Variants in OTUD7A observed in about 807,000 individuals in gnomAD.
OTUD7A encodes OTU deubiquitinase 7A.
In OTUD7A, 12 loss-of-function variants were observed where a neutral mutation model predicts 65.7. The observed-to-expected ratio is 0.18, with a 90% CI of 0.12 to 0.30. The LOEUF (loss-of-function observed/expected upper bound fraction) is 0.30, where lower values mean the gene tolerates loss of function less well. Ranked by LOEUF, OTUD7A falls within the 10% of genes least tolerant of loss-of-function variation. The pLI, the probability that OTUD7A is intolerant of heterozygous loss-of-function variation, is 1.00. For missense variants in OTUD7A, 1,148 were observed against 1,304.8 expected (o/e 0.88, Z 1.85); for synonymous variants, 641 against 586.3 (o/e 1.09, Z -1.35).
chr15:31,509,936 C>CT (rs2041655852), intron 8 of OTUD7A, among the ~76,000 whole-genome samples: 1 of 147,888 alleles, frequency 6.8e-6, no homozygotes, highest in Non-Finnish European at 1.5e-5. Context: ...CTTATTTGCA[C>CT]TTTATTTTCC....
chr15:31,711,355 G>A (rs1237898030), intron 1 of OTUD7A, among the ~76,000 whole-genome samples: 1 of 151,918 alleles, frequency 6.6e-6, no homozygotes, highest in Non-Finnish European at 1.5e-5. Flanking sequence ...TCTTTTCCCG[G>A]TTCTGTTCTG....
At chr15:31,567,318 G>T (rs1888906708) in intron 4 of OTUD7A, among the ~76,000 whole-genome samples, 1 of 152,250 alleles carries the variant, frequency 6.6e-6, no homozygotes, top group African/African-American at 2.4e-5. Flanking sequence ...ATCTGTGGAA[G>T]TCTGAACTTG....
intron 3 of OTUD7A, among the ~76,000 whole-genome samples, chr15:31,594,402 T>A (rs1005901470): frequency 4.6e-5 from 7 of 152,220 alleles, no homozygotes; most frequent in Non-Finnish European, 8.8e-5. Context: ...GAGCTTAATT[T>A]GTCACTTCTA....
At chr15:31,630,735 G>C (rs1227450716) in intron 3 of OTUD7A, among the ~76,000 whole-genome samples, 1 of 152,028 alleles carries the variant, frequency 6.6e-6, no homozygotes, top group African/African-American at 2.4e-5. Flanking sequence ...TCTCTTTGTA[G>C]GTCACTCAGG....
intron 1 of OTUD7A, among the ~76,000 whole-genome samples, chr15:31,715,612 T>C (rs1410136939): frequency 6.8e-6 from 1 of 146,252 alleles, no homozygotes; most frequent in Non-Finnish European, 1.5e-5. Context: ...CAGTCATATA[T>C]GCCATTCTGT....
At chr15:31,671,224 A>C (rs1311250882) in intron 1 of OTUD7A, among the ~76,000 whole-genome samples, 2 of 152,178 alleles carry the variant, frequency 1.3e-5, no homozygotes, top group African/African-American at 4.8e-5. Flanking sequence ...TTAAATCTTT[A>C]ATCCATCTTG....
intron 1 of OTUD7A, among the ~76,000 whole-genome samples, chr15:31,855,505 CAAATCGAAAAAA>C (rs1441570529): frequency 6.6e-6 from 1 of 151,028 alleles, no homozygotes; most frequent in Non-Finnish European, 1.5e-5. Flanking sequence ...AACCGAAAAA[CAAATCGAAAAAA>C]AAATCCTCAA....
At chr15:31,638,930 C>T (rs1305074071) in intron 3 of OTUD7A, among the ~76,000 whole-genome samples, 2 of 152,032 alleles carry the variant, frequency 1.3e-5, no homozygotes, top group African/African-American at 4.8e-5. Flanking sequence ...GTCAGGAGAT[C>T]GAGACCATCC....
At chr15:31,587,654 A>T (rs1440810315) in intron 3 of OTUD7A, among the ~76,000 whole-genome samples, 2 of 149,468 alleles carry the variant, frequency 1.3e-5, no homozygotes, top group African/African-American at 5.0e-5. Context: ...AAAAAAAAAA[A>T]GAAAATGTAA....
intron 1 of OTUD7A, among the ~76,000 whole-genome samples, chr15:31,804,376 C>T (rs530704398): frequency 6.6e-6 from 1 of 152,232 alleles, no homozygotes; most frequent in African/African-American, 2.4e-5. Flanking sequence ...CCCCCAACTC[C>T]CTGAATTAGA....
intron 3 of OTUD7A, among the ~76,000 whole-genome samples, chr15:31,648,897 A>G (rs1380829335): frequency 6.6e-6 from 1 of 152,046 alleles, no homozygotes; most frequent in Non-Finnish European, 1.5e-5. Flanking sequence ...AGTAGCTGGG[A>G]TTACAGGTGT....
At chr15:31,555,330 T>C (rs927149587) in intron 5 of OTUD7A, among the ~76,000 whole-genome samples, 2 of 152,238 alleles carry the variant, frequency 1.3e-5, no homozygotes, top group Non-Finnish European at 2.9e-5. Context: ...ATGGATTTTT[T>C]TTTTACTAAA....
intron 1 of OTUD7A, among the ~76,000 whole-genome samples, chr15:31,745,102 A>G (rs757382482): frequency 7.2e-5 from 11 of 152,142 alleles, no homozygotes; most frequent in Non-Finnish European, 1.3e-4. Context: ...CAAAACATCA[A>G]TATTAGGGTC....
intron 3 of OTUD7A, among the ~76,000 whole-genome samples, chr15:31,610,930 G>T (rs558140968): frequency 1.3e-5 from 2 of 151,772 alleles, no homozygotes; most frequent in Non-Finnish European, 2.9e-5. Context: ...TGCCCGGCCA[G>T]AAAAATGAAA....
intron 1 of OTUD7A, among the ~76,000 whole-genome samples, chr15:31,815,645 G>A (rs1015730131): frequency 2.0e-5 from 3 of 152,206 alleles, no homozygotes; most frequent in East Asian, 1.9e-4. Context: ...GGTCCATTCC[G>A]GAAACAGGGC....
At position 31,510,063 on chromosome 15, in the gene OTUD7A, G is replaced by A. The variant is rs577288380; in HGVS notation, c.894-6245C>T. On this transcript the variant is annotated intron_variant, in intron 8 of 12. Coordinates refer to ENST00000307050, the MANE Select transcript of OTUD7A (RefSeq NM_001382637.1). ...GGACGGGCCCCGCCTGCATGTATGC[G>A]CTGCCGTCTGTTTCCCCTGTTTTTT... Among the ~76,000 whole-genome samples, 373 of 148,382 alleles carry A rather than the reference G, an allele frequency of 2.5e-3. 3 individuals carry two copies. The highest frequency in any genetic ancestry group is 8.8e-3 in the African/African-American group (355 of 40,336).
intron 5 of OTUD7A, among the ~76,000 whole-genome samples, chr15:31,549,300 C>T (rs1888242298): frequency 6.6e-6 from 1 of 152,188 alleles, no homozygotes; most frequent in African/African-American, 2.4e-5. Context: ...TTTAATCTCT[C>T]ATTCTGGATC....
At chr15:31,510,949 CATATATGTATATCTATATGTA>C (rs2041695023) in intron 8 of OTUD7A, among the ~76,000 whole-genome samples, 1 of 10,172 alleles carries the variant, frequency 9.8e-5, no homozygotes, top group South Asian at 1.3e-3. Flanking sequence ...CTATATGTAA[CATATATGTATATCTATATGTA>C]ACATATGTAT....
chr15:31,691,539 A>G (rs931415500), intron 1 of OTUD7A, among the ~76,000 whole-genome samples: 17 of 152,098 alleles, frequency 1.1e-4, no homozygotes, highest in African/African-American at 4.1e-4. Flanking sequence ...ATCCATATGC[A>G]GAAGAATGAA....
Sources: gnomAD v4.1 joint callset for allele counts (sites outside exome capture counted in the v4.1 genomes callset) on GRCh38, gnomAD v4.1.1 for gene constraint, MANE v1.5 for transcripts, NCBI Gene and HGNC (gene_info 2026-07-23, HGNC 2026-07-21) for gene names.